Variants in ZNF254 observed in about 807,000 individuals in gnomAD.
ZNF254 encodes the protein CTD-2017D11.1.
A neutral mutation model predicts 12.4 loss-of-function variants in ZNF254; 10 were observed. The ratio of observed to expected loss-of-function variants is 0.80; its 90% CI spans 0.50 to 1.36. The LOEUF (loss-of-function observed/expected upper bound fraction) is 1.36. Among genes scored for constraint, ZNF254 ranks in the 40% most tolerant of loss-of-function variants. The pLI, the probability that ZNF254 is intolerant of heterozygous loss-of-function variation, is 0.00. For synonymous variants in ZNF254, 305 were observed against 253.4 expected (o/e 1.20, Z -1.93); for missense variants, 996 against 763.9 (o/e 1.30, Z -3.58).
At chr19:24,115,803 C>G (rs551586810) in intron 3 of ZNF254, among the ~76,000 whole-genome samples, 1 of 152,280 alleles carries the variant, frequency 6.6e-6, no homozygotes, top group Admixed American at 6.5e-5. Flanking sequence ...ACGGTTTCTA[C>G]AATTTGGCAT....
chr19:24,042,441 A>C (rs566060853), intron 1 of ZNF254, among the ~76,000 whole-genome samples: 2 of 152,182 alleles, frequency 1.3e-5, no homozygotes, highest in Admixed American at 6.5e-5. Context: ...AACTCTTTGC[A>C]GTAAATCTTG....
At chr19:24,055,205 CAAAAAAAAAAAAAA>C (rs71167733) in intron 2 of ZNF254, among the ~76,000 whole-genome samples, 3 of 28,314 alleles carry the variant, frequency 1.1e-4, no homozygotes, top group African/African-American at 3.6e-4. Context: ...TCTGTCTCAC[CAAAAAAAAAAAAAA>C]AAAAAAAAAA....
At chr19:24,123,420 T>G (rs868484793) in intron 3 of ZNF254, among the ~76,000 whole-genome samples, 7 of 152,210 alleles carry the variant, frequency 4.6e-5, no homozygotes, top group African/African-American at 1.7e-4. Flanking sequence ...TTTGGAATAA[T>G]TGTTTTATAC....
At chr19:24,033,851 C>T (rs981158044) in intron 1 of ZNF254, among the ~76,000 whole-genome samples, 1 of 152,224 alleles carries the variant, frequency 6.6e-6, no homozygotes, top group African/African-American at 2.4e-5. Flanking sequence ...TGCATGCAGC[C>T]CCGAGTATTT....
chr19:24,087,017 C>G (rs1186714242), upstream of ZNF254: 1 of 383,246 alleles, frequency 2.6e-6, no homozygotes, highest in Non-Finnish European at 4.9e-6. Context: ...GATAAGGCTG[C>G]AGCTTAGGCT....
intron 3 of ZNF254, among the ~76,000 whole-genome samples, chr19:24,113,974 T>C (rs950394495): frequency 3.3e-5 from 5 of 152,072 alleles, no homozygotes; most frequent in African/African-American, 1.2e-4. Context: ...TTACAAGGGA[T>C]GTGGAGGACC....
intron 3 of ZNF254, among the ~76,000 whole-genome samples, chr19:24,109,689 TC>T (rs1449520463): frequency 6.6e-6 from 1 of 151,524 alleles, no homozygotes; most frequent in Non-Finnish European, 1.5e-5. Context: ...TAGCTAATTT[TC>T]TTTTTCTTTT....
chr19:24,062,546 A>AT (rs1599622103), intron 2 of ZNF254, among the ~76,000 whole-genome samples: 1 of 152,192 alleles, frequency 6.6e-6, no homozygotes, highest in Non-Finnish European at 1.5e-5. Context: ...CAGGCACACC[A>AT]TATACAGTCC....
rs751500411 is a variant in ZNF254 at position 24,126,689 on chromosome 19, A to G, written c.689A>G (p.Lys230Arg). ...TCCTCAACCCTTACTAATCATAGGA[A>G]AATTTATACTGAAGAGAAACCTTAC... ...NWSSTLTNHR[K>R]IYTEEKPYKC... Residue 230 changes from lysine to arginine, a missense_variant, in exon 4 of 4, where the codon AAA becomes AGA. Lys to Arg is a conservative substitution (Grantham distance 26). Transcript: ENST00000357002. 6.2e-7 allele frequency: 1 copy of G among 1,613,226 alleles called. No individual in the cohort carries two copies. The highest frequency in any genetic ancestry group is 1.1e-5 in the South Asian group (1 of 90,920).
chr19:24,118,364 G>A (rs1338345298), intron 3 of ZNF254, among the ~76,000 whole-genome samples: 1 of 151,994 alleles, frequency 6.6e-6, no homozygotes, highest in African/African-American at 2.4e-5. Flanking sequence ...GGGTTTTACT[G>A]CATCATCAAC....
chr19:24,124,260 A>C (rs993964117), intron 3 of ZNF254, among the ~76,000 whole-genome samples: 2 of 151,830 alleles, frequency 1.3e-5, no homozygotes, highest in African/African-American at 4.8e-5. Flanking sequence ...CCTTCCCTCA[A>C]ATTTGTCATT....
Position 24,127,001 on chromosome 19 carries a change from C to T in ZNF254, c.1001C>T (p.Ser334Phe). Residue 334 changes from serine to phenylalanine, a missense_variant, in exon 4 of 4, where the codon TCC becomes TTC. Ser to Phe is a radical substitution (Grantham distance 155). Coordinates refer to ENST00000357002, the MANE Select transcript of ZNF254 (RefSeq NM_203282.4). ...GAATGTGGCAAAGCATTTATATGGT[C>T]CTCAACACTAACTAGACATAAGAGG... is the stretch of plus-strand genomic sequence containing the variant. Reference protein sequence around the residue: ...CEECGKAFIWSSTLTRHKRMH... With the variant: ...CEECGKAFIWFSTLTRHKRMH... 6.2e-7 allele frequency: 1 copy of T among 1,612,868 alleles called. No individual in the cohort carries two copies. The highest frequency in any genetic ancestry group is 8.5e-7 in the Non-Finnish European group (1 of 1,179,806).
chr19:24,069,244 G>T (rs1044506987), intron 2 of ZNF254, among the ~76,000 whole-genome samples: 1 of 151,294 alleles, frequency 6.6e-6, no homozygotes, highest in Admixed American at 6.6e-5. Context: ...GACCTCAGGT[G>T]ATCTGCCCAC....
intron 3 of ZNF254, among the ~76,000 whole-genome samples, chr19:24,125,126 T>C (rs1211725665): frequency 6.6e-6 from 1 of 152,148 alleles, no homozygotes; most frequent in African/African-American, 2.4e-5. Context: ...GGTAATCTTT[T>C]TGTCTGTGAC....
chr19:24,049,821 C>T (rs2145296983), intron 2 of ZNF254, among the ~76,000 whole-genome samples: 1 of 152,182 alleles, frequency 6.6e-6, no homozygotes, highest in East Asian at 1.9e-4. Flanking sequence ...TGTGACATAT[C>T]CCTGCATCCA....
intron 1 of ZNF254, among the ~76,000 whole-genome samples, chr19:24,103,572 T>C (rs1160661162): frequency 6.6e-6 from 1 of 152,196 alleles, no homozygotes; most frequent in African/African-American, 2.4e-5. Context: ...AAGTGCCTCA[T>C]GTGACTCTCA....
chr19:24,126,158 T>C (rs1389608086), intron 3 of ZNF254, 96 bp from the exon 4 acceptor site: 2 of 830,538 alleles, frequency 2.4e-6, no homozygotes, highest in Non-Finnish European at 3.4e-6. Flanking sequence ...CTATCTTGTC[T>C]ATGTAGTTTG....
upstream of ZNF254, among the ~76,000 whole-genome samples, chr19:24,082,690 A>G (rs1422097994): frequency 6.7e-6 from 1 of 148,190 alleles, no homozygotes; most frequent in East Asian, 2.0e-4. Context: ...TATTTGATTG[A>G]TGTCTCATTA....
intron 1 of ZNF254, among the ~76,000 whole-genome samples, chr19:24,041,753 C>T (rs1365478030): frequency 2.0e-5 from 3 of 152,256 alleles, no homozygotes; most frequent in Admixed American, 2.0e-4. Context: ...GTGCGGGATC[C>T]ACTAGGTGAA....
Sources: allele counts gnomAD v4.1 joint callset (sites outside exome capture counted in the v4.1 genomes callset), GRCh38; gene constraint gnomAD v4.1.1; transcripts MANE v1.5; gene names NCBI Gene and HGNC (gene_info 2026-07-23, HGNC 2026-07-21).